The following DNM2 variants were observed in gnomAD, a reference collection of about 807,000 sequenced individuals.
DNM2 encodes the protein dynamin 2, also known as dynamin-2.
Under a neutral mutation model 99.0 loss-of-function variants are expected in DNM2, and 15 were observed. The ratio of observed to expected loss-of-function variants is 0.15; its 90% CI spans 0.10 to 0.23. The LOEUF is 0.23. DNM2 is among the 10% of genes least tolerant of loss of function. The probability of loss-of-function intolerance (pLI) is 1.00; values close to 1 mark genes in which losing one functional copy is unlikely to be tolerated. For missense variants in DNM2, 742 were observed against 1,189.4 expected (o/e 0.62, Z 5.53); for synonymous variants, 525 against 481.2 (o/e 1.09, Z -1.19).
chr19:10,806,991 G>C (rs1211392921), intron 13 of DNM2, among the ~76,000 whole-genome samples: 2 of 151,936 alleles, frequency 1.3e-5, no homozygotes, highest in East Asian at 1.9e-4. Flanking sequence ...AGCCACAAAG[G>C]GTTGTACCTT....
At chr19:10,760,973 T>G (rs1459153913) in intron 2 of DNM2, among the ~76,000 whole-genome samples, 1 of 151,542 alleles carries the variant, frequency 6.6e-6, no homozygotes, top group African/African-American at 2.4e-5. Flanking sequence ...TACCATTGCT[T>G]TTTATTTTTT....
chr19:10,806,273 A>G (rs142857293), intron 13 of DNM2, among the ~76,000 whole-genome samples: 3 of 152,268 alleles, frequency 2.0e-5, no homozygotes, highest in African/African-American at 7.2e-5. Context: ...TAATCCCAGC[A>G]TTTTGGGAGG....
rs1480464480 is a variant in DNM2, at chr19:10,818,788, G to A, written c.1672-1192G>A. Reference sequence around the variant, plus strand: ...GGAGAAGAAGGGCCAGGGGCACTGTGGGGAGGACTGGGCTTTGGGTCACAG... The same window carrying A: ...GGAGAAGAAGGGCCAGGGGCACTGTAGGGAGGACTGGGCTTTGGGTCACAG... On this transcript the variant is annotated intron_variant, in intron 15 of 20. Transcript: ENST00000389253. This position sits in a 1 kb window ranked among gnomAD's most constrained non-coding sequence, Gnocchi z 4.3. 2.6e-5 allele frequency among the ~76,000 whole-genome samples: 4 copies of A among 152,202 alleles called. No individual in the cohort carries two copies. Among genetic ancestry groups the A allele is most frequent in the Admixed American group, 1.3e-4 (2 of 15,282 alleles).
intron 1 of DNM2, among the ~76,000 whole-genome samples, chr19:10,740,901 T>C (rs1433112299): frequency 6.6e-6 from 1 of 152,234 alleles, no homozygotes; most frequent in African/African-American, 2.4e-5. Context: ...CTTGTGTTCA[T>C]TTCTAACTTC....
chr19:10,777,349 C>T, intron 5 of DNM2, 133 bp downstream of exon 5: 1 of 845,214 alleles, frequency 1.2e-6, no homozygotes, highest in Non-Finnish European at 1.9e-6. Flanking sequence ...TCTTTCTTTT[C>T]CCTTTGAGCT....
At chr19:10,723,915 C>T (rs978178970) in intron 1 of DNM2, among the ~76,000 whole-genome samples, 4 of 152,032 alleles carry the variant, frequency 2.6e-5, no homozygotes, top group East Asian at 1.9e-4. Flanking sequence ...AACATAGACC[C>T]CGTCTCTACA....
chr19:10,724,019 G>T (rs2069026161), intron 1 of DNM2, among the ~76,000 whole-genome samples: 1 of 151,836 alleles, frequency 6.6e-6, no homozygotes, highest in Non-Finnish European at 1.5e-5. Flanking sequence ...GGGATTTCAA[G>T]GCTGCAGTGA....
In DNM2 at chr19:10,831,434, C is replaced by T; in HGVS notation, c.*387C>T. The T allele has an allele frequency of 5.9e-6, 6 of 1,015,324 alleles. No homozygotes were observed. The highest frequency in any genetic ancestry group is 7.1e-6 in the Non-Finnish European group (6 of 849,764). 62.9% of individuals were successfully genotyped at this position (1,015,324 alleles called of 1,614,324 possible). On this transcript the variant is annotated 3_prime_UTR_variant, in exon 21 of 21. Coordinates refer to ENST00000389253, the MANE Select transcript of DNM2 (RefSeq NM_001005361.3). The surrounding 1 kb of genome is among the most constrained non-coding windows in gnomAD (Gnocchi z 4.3). ...TCTATAAGTGCGGGCACCAAGGGCG[C>T]CTACATCCCCAGGCCTTGCTGGGGT... is the stretch of plus-strand genomic sequence containing the variant.
chr19:10,782,858 G>T, intron 5 of DNM2, 102 bp from the exon 6 acceptor site: 1 of 1,528,814 alleles, frequency 6.5e-7, no homozygotes, highest in South Asian at 1.1e-5. Context: ...TGAGTGCCTC[G>T]TGGGACAGGA....
chr19:10,790,110 C>T (rs1385431103), intron 7 of DNM2, among the ~76,000 whole-genome samples: 1 of 152,168 alleles, frequency 6.6e-6, no homozygotes, highest in Non-Finnish European at 1.5e-5. Flanking sequence ...CAGACATGGG[C>T]GGTCTTTCTC....
Position 10,811,613 on chromosome 19 carries a change from C to G in DNM2, c.1558-651C>G. 2.2e-6 allele frequency: 1 copy of G among 447,178 alleles called. No individual in the cohort carries two copies. The highest frequency in any genetic ancestry group is 4.5e-6 in the Non-Finnish European group (1 of 221,674). The allele number at this position is 447,178 out of a possible 1,614,324, so 27.7% of individuals were successfully genotyped here. A position where few individuals can be genotyped will look rare whatever the true frequency, so the allele number is the denominator to read the frequency against. Reference sequence around the variant, plus strand: ...GGGGGGCTCTGCCCACACATGCCTCCAGCGGCCAGGGAGCATGGGAGCACA... The same window carrying G: ...GGGGGGCTCTGCCCACACATGCCTCGAGCGGCCAGGGAGCATGGGAGCACA... On this transcript the variant is annotated intron_variant, in intron 14 of 20. Coordinates refer to ENST00000389253, the MANE Select transcript of DNM2 (RefSeq NM_001005361.3). The surrounding 1 kb of genome is among the most constrained non-coding windows in gnomAD (Gnocchi z 5.4).
chr19:10,823,770 T>G lies in DNM2; in HGVS notation c.1782-18T>G. ...GGCAGGGTCAAGCTTGTGCCCCTCC[T>G]TCCCCACCCCCCCGCAGAAACGTCT... On this transcript the variant is annotated intron_variant, in intron 16 of 20. Transcript: ENST00000389253. 49 of 1,546,700 alleles carry G rather than the reference T, an allele frequency of 3.2e-5. No homozygotes were observed. The highest frequency in any genetic ancestry group is 3.6e-5 in the Non-Finnish European group (40 of 1,122,078).
chr19:10,735,022 A>C (rs2069471725), intron 1 of DNM2, among the ~76,000 whole-genome samples: 1 of 151,336 alleles, frequency 6.6e-6, no homozygotes, highest in South Asian at 2.1e-4. Context: ...CTCTTCTGTG[A>C]ATCTTTTTTT....
intron 12 of DNM2, chr19:10,803,756 C>T (rs2072239268): frequency 1.1e-6 from 1 of 929,346 alleles, no homozygotes; most frequent in Non-Finnish European, 1.3e-6. Flanking sequence ...TGGGACATCC[C>T]TGGGGCCCGC....
In DNM2 at chr19:10,796,013, G is replaced by C. The variant is rs759313573; in HGVS notation, c.1196+574G>C. Reference sequence around the variant, plus strand: ...CCAATGAAATTGCTGACCATGCTTTGTTTCTCTCTGACTTATCTCCCCTGC... The same window carrying C: ...CCAATGAAATTGCTGACCATGCTTTCTTTCTCTCTGACTTATCTCCCCTGC... On this transcript the variant is annotated intron_variant, in intron 9 of 20. Coordinates refer to ENST00000389253, the MANE Select transcript of DNM2 (RefSeq NM_001005361.3). The surrounding 1 kb of genome is among the most constrained non-coding windows in gnomAD (Gnocchi z 5.6). 8.9e-5 allele frequency: 144 copies of C among 1,611,576 alleles called. No homozygotes were observed. The highest frequency in any genetic ancestry group is 1.1e-4 in the Non-Finnish European group (135 of 1,179,964).
chr19:10,718,380 G>T lies in DNM2; in HGVS notation c.138G>T (p.Ser46=). Residue 46 remains serine, a synonymous_variant, in exon 1 of 21, where the codon TCG becomes TCT. Transcript: ENST00000389253. ...GCGGCCAGAGCGCCGGCAAGAGCTC[G>T]GTGCTGGAGAACTTCGTGGGCCGGT... ...VVGGQSAGKS[S]VLENFVGRDF... 2.0e-6 allele frequency: 3 copies of T among 1,497,544 alleles called. No homozygotes were observed. Among genetic ancestry groups the T allele is most frequent in the Non-Finnish European group, 2.7e-6 (3 of 1,123,328 alleles). The allele number at this position is 1,497,544 out of a possible 1,614,324, so 92.8% of individuals were successfully genotyped here.
At chr19:10,777,093 A>T (rs2071180807) in intron 4 of DNM2, 25 bp from the exon 5 acceptor site, 2 of 1,612,856 alleles carry the variant, frequency 1.2e-6, no homozygotes, top group African/African-American at 2.7e-5. Context: ...GCAGCCTCTG[A>T]CCTCTGACCT....
At position 10,786,685 on chromosome 19, in the gene DNM2, G is replaced by A. The variant is rs763669104; in HGVS notation, c.971G>A (p.Arg324His). 14 of 1,613,878 alleles carry A rather than the reference G, an allele frequency of 8.7e-6. No homozygotes were observed. Among genetic ancestry groups the A allele is most frequent in the African/African-American group, 2.7e-5 (2 of 74,862 alleles). ...YKNFRPDDPTRKTKALLQMVQ... is the reference protein window; with the variant it reads ...YKNFRPDDPTHKTKALLQMVQ... ...AACTTTCGGCCCGACGACCCCACCC[G>A]CAAAACCAAAGCCCTGCTGCAGTAT... The change falls in exon 7 of 21, where the codon CGC becomes CAC. Residue 324 changes from arginine to histidine, a missense_variant. By Grantham distance (29) the Arg-to-His change is conservative. Around this residue, in one of 7 missense-constraint regions of DNM2, gnomAD observed 44 missense variants for 41.3 expected, o/e 1.06. Transcript: ENST00000389253.
chr19:10,808,501 C>T, intron 13 of DNM2, 68 bp from the exon 14 acceptor site: 1 of 1,579,242 alleles, frequency 6.3e-7, no homozygotes, highest in Non-Finnish European at 8.7e-7. Context: ...CTTCACGTCC[C>T]TTCCATCTCT....
Sources: allele counts gnomAD v4.1 joint callset (sites outside exome capture counted in the v4.1 genomes callset), GRCh38; gene constraint gnomAD v4.1.1; regional missense constraint gnomAD v4.1.1; non-coding constraint Gnocchi (gnomAD v3.1); transcripts MANE v1.5; gene names NCBI Gene and HGNC (gene_info 2026-07-23, HGNC 2026-07-21).